Variants in PXDNL observed in about 807,000 individuals in gnomAD.
PXDNL encodes the protein peroxidasin like, also known as probable oxidoreductase PXDNL.
A neutral mutation model predicts 150.8 loss-of-function variants in PXDNL; 145 were observed. The observed-to-expected ratio is 0.96, with a 90% CI of 0.84 to 1.10. PXDNL has a LOEUF of 1.10. PXDNL is among the 50% of genes least tolerant of loss of function. The pLI, the probability that PXDNL is intolerant of heterozygous loss-of-function variation, is 0.00. For synonymous variants in PXDNL, 757 were observed against 725.7 expected, an observed-to-expected ratio of 1.04 and a Z score of -0.69; for missense variants, 2,087 against 1,873.9, an observed-to-expected ratio of 1.11 and a Z score of -2.10.
At chr8:51,724,263 G>A (rs1027362871) in intron 1 of PXDNL, among the ~76,000 whole-genome samples, 6 of 152,150 alleles carry the variant, frequency 3.9e-5, no homozygotes, top group African/African-American at 1.4e-4. Flanking sequence ...GGGAGCGTAT[G>A]TAGAGAAAGG....
At chr8:51,535,666 A>G (rs1490635355) in intron 4 of PXDNL, among the ~76,000 whole-genome samples, 5 of 145,578 alleles carry the variant, frequency 3.4e-5, no homozygotes, top group African/African-American at 1.1e-4. Context: ...CTATTGTCCT[A>G]TGACCCTGCC....
chr8:51,530,484 T>C (rs1182541445), intron 4 of PXDNL, among the ~76,000 whole-genome samples: 1 of 152,182 alleles, frequency 6.6e-6, no homozygotes, highest in Non-Finnish European at 1.5e-5. Context: ...GATCTGTCAT[T>C]GCTCAGCTGG....
intron 12 of PXDNL, among the ~76,000 whole-genome samples, chr8:51,438,323 T>C (rs1351098079): frequency 6.8e-6 from 1 of 147,048 alleles, no homozygotes; most frequent in Admixed American, 6.7e-5. Flanking sequence ...ATTCTAAAAT[T>C]CATATGGAAG....
At chr8:51,616,677 T>C (rs1814137833) in intron 2 of PXDNL, among the ~76,000 whole-genome samples, 1 of 152,246 alleles carries the variant, frequency 6.6e-6, no homozygotes. Context: ...ATCTCTAGAT[T>C]ACTTAAATAC....
intron 1 of PXDNL, among the ~76,000 whole-genome samples, chr8:51,749,457 T>C (rs1358476389): frequency 1.3e-5 from 2 of 152,142 alleles, no homozygotes; most frequent in African/African-American, 4.8e-5. Flanking sequence ...AACTGAAACA[T>C]ATTGGTAAGT....
intron 2 of PXDNL, among the ~76,000 whole-genome samples, chr8:51,653,407 G>A (rs979670646): frequency 2.6e-5 from 4 of 152,124 alleles, no homozygotes; most frequent in African/African-American, 9.7e-5. Flanking sequence ...GACAGAGCAA[G>A]GCTCTGTCTC....
At chr8:51,414,214 C>T (rs1206702388) in intron 14 of PXDNL, among the ~76,000 whole-genome samples, 2 of 151,174 alleles carry the variant, frequency 1.3e-5, no homozygotes, top group African/African-American at 4.9e-5. Flanking sequence ...TAGATATATA[C>T]ATATTATATG....
intron 1 of PXDNL, among the ~76,000 whole-genome samples, chr8:51,770,281 G>T (rs938785167): frequency 2.6e-5 from 4 of 152,166 alleles, no homozygotes; most frequent in African/African-American, 9.6e-5. Context: ...GAATGAGCCT[G>T]GTTTTGTACA....
chr8:51,526,615 T>C (rs534624727), intron 4 of PXDNL, among the ~76,000 whole-genome samples: 2 of 152,320 alleles, frequency 1.3e-5, no homozygotes, highest in East Asian at 3.9e-4. Flanking sequence ...TTGTTCTTCC[T>C]GTCACTGAAG....
chr8:51,603,277 C>T (rs561359738), intron 2 of PXDNL, among the ~76,000 whole-genome samples: 9 of 151,696 alleles, frequency 5.9e-5, no homozygotes, highest in Non-Finnish European at 1.3e-4. Flanking sequence ...TAGGAACATC[C>T]GTCAAGCTTC....
intron 3 of PXDNL, among the ~76,000 whole-genome samples, chr8:51,575,113 A>G (rs139683218): frequency 1.3e-5 from 2 of 152,194 alleles, no homozygotes; most frequent in East Asian, 1.9e-4. Flanking sequence ...TAAGACAATT[A>G]TATTATAAAT....
chr8:51,705,754 G>A (rs1345071942), intron 1 of PXDNL, among the ~76,000 whole-genome samples: 1 of 152,122 alleles, frequency 6.6e-6, no homozygotes, highest in East Asian at 1.9e-4. Flanking sequence ...ACAGCATTCA[G>A]CTTCTGGCAA....
rs150618683 is a variant in PXDNL, at chr8:51,444,482, C to T, written c.1525+2522G>A. Among the ~76,000 whole-genome samples, 245 of 152,250 alleles carry T rather than the reference C, an allele frequency of 1.6e-3. 3 individuals carry two copies. Among genetic ancestry groups the T allele is most frequent in the African/African-American group, 5.5e-3 (230 of 41,570 alleles). On this transcript the variant is annotated intron_variant, in intron 12 of 22. Coordinates refer to ENST00000356297, the MANE Select transcript of PXDNL (RefSeq NM_144651.5). ...TATTAAAAGAATTAATTCAAGAGAA[C>T]ATTCCTTAAATAAAATAGTATCTGA... is the stretch of plus-strand genomic sequence containing the variant.
chr8:51,340,088 C>T (rs900970286), intron 20 of PXDNL: 1 of 162,442 alleles, frequency 6.2e-6, no homozygotes, highest in African/African-American at 2.4e-5. Context: ...ACGAATTCTT[C>T]ATTTCACTTT....
intron 19 of PXDNL, among the ~76,000 whole-genome samples, chr8:51,367,049 C>T (rs957933303): frequency 7.3e-6 from 1 of 136,380 alleles, no homozygotes; most frequent in South Asian, 2.3e-4. Context: ...TTCAATAAGC[C>T]GAGATCACAC....
chr8:51,472,460 G>T (rs1810367859), intron 7 of PXDNL, among the ~76,000 whole-genome samples, 156 bp from the exon 8 acceptor site: 2 of 152,198 alleles, frequency 1.3e-5, no homozygotes, highest in Admixed American at 6.5e-5. Context: ...CCAGGTTAGA[G>T]ATTAGACATA....
chr8:51,569,093 G>T (rs1812878795), intron 3 of PXDNL, among the ~76,000 whole-genome samples: 1 of 151,894 alleles, frequency 6.6e-6, no homozygotes, highest in South Asian at 2.1e-4. Flanking sequence ...CCGAATCTGA[G>T]TCTAGTTCTG....
intron 17 of PXDNL, among the ~76,000 whole-genome samples, chr8:51,388,878 A>C (rs893976385): frequency 1.3e-5 from 2 of 152,096 alleles, no homozygotes; most frequent in Non-Finnish European, 2.9e-5. Flanking sequence ...AATTTAAATT[A>C]TATATATCAT....
intron 3 of PXDNL, among the ~76,000 whole-genome samples, chr8:51,577,994 A>AGAAG (rs1813111392): frequency 3.5e-5 from 2 of 56,968 alleles, no homozygotes; most frequent in African/African-American, 1.4e-4. Context: ...AAAGAAAGAA[A>AGAAG]GAAAGAGGAA....
Sources: gnomAD v4.1 joint callset for allele counts (sites outside exome capture counted in the v4.1 genomes callset) on GRCh38, gnomAD v4.1.1 for gene constraint, MANE v1.5 for transcripts, NCBI Gene and HGNC (gene_info 2026-07-23, HGNC 2026-07-21) for gene names.